The following DHCR24 variants were observed in gnomAD, a reference collection of about 807,000 sequenced individuals.
DHCR24 encodes 24-dehydrocholesterol reductase.
Under a neutral mutation model 61.2 loss-of-function variants are expected in DHCR24, and 28 were observed. That is an observed-to-expected ratio of 0.46 (90% confidence interval 0.34 to 0.63). The LOEUF is 0.63. Ranked by LOEUF, DHCR24 falls within the 20% of genes least tolerant of loss-of-function variation. The probability of loss-of-function intolerance (pLI) is 0.01; values close to 1 mark genes in which losing one functional copy is unlikely to be tolerated. For synonymous variants in DHCR24, 261 were observed against 275.9 expected, an observed-to-expected ratio of 0.95 and a Z score of 0.54; for missense variants, 538 against 679.1, an observed-to-expected ratio of 0.79 and a Z score of 2.31.
intron 5 of DHCR24, among the ~76,000 whole-genome samples, chr1:54,869,827 AG>A (rs1646987962): frequency 6.6e-6 from 1 of 152,146 alleles, no homozygotes; most frequent in Non-Finnish European, 1.5e-5. Flanking sequence ...AGGCCAAGGC[AG>A]GCAGATCACC....
At position 54,871,361 on chromosome 1, in the gene DHCR24, C is replaced by T. The variant is rs189200040; in HGVS notation, c.865G>A (p.Glu289Lys). 1.9e-6 allele frequency: 3 copies of T among 1,613,956 alleles called. No homozygotes were observed. Among genetic ancestry groups the T allele is most frequent in the Non-Finnish European group, 1.7e-6 (2 of 1,180,028 alleles). ...IMTGVMTDEA[E>K]PSKLNSIGNY... ...ACACCCTGGCTTACCTTGCTGGGCT[C>T]TGCCTCATCTGTCATGACCCCTGTC... Residue 289 changes from glutamate (E) to lysine (K), a missense_variant, in exon 5 of 9, where the codon GAG becomes AAG. Physicochemically the swap from Glu to Lys is moderately conservative, Grantham distance 56 (BLOSUM62 1). Coordinates refer to ENST00000371269, the MANE Select transcript of DHCR24 (RefSeq NM_014762.4).
chr1:54,873,287 TAAC>T (rs147168531), intron 4 of DHCR24, among the ~76,000 whole-genome samples: 1,599 of 152,336 alleles, frequency 0.01, 20 homozygotes, highest in African/African-American at 0.036. Context: ...GTGTTTATGG[TAAC>T]ACTGGTGTAA....
chr1:54,879,332 A>AGG lies in DHCR24; in HGVS notation c.388-3286_388-3285insCC, dbSNP rs1557439381. ...AGCAAGACTCCATCTGAAAAAAAAA[A>AGG]AAAAAAAAAAAAAAAAAAAATCCAA... is the stretch of plus-strand genomic sequence containing the variant. On this transcript the variant is annotated intron_variant, in intron 2 of 8. Coordinates refer to ENST00000371269, the MANE Select transcript of DHCR24 (RefSeq NM_014762.4). Among the ~76,000 whole-genome samples, 91 of 78,068 alleles carry AGG rather than the reference A, an allele frequency of 1.2e-3. 4 individuals carry two copies. Among genetic ancestry groups the AGG allele is most frequent in the African/African-American group, 4.7e-3 (80 of 16,888 alleles). The allele number at this position is 78,068 out of a possible 152,430, so 51.2% of individuals were successfully genotyped here. A position where few individuals can be genotyped will look rare whatever the true frequency, so the allele number is the denominator to read the frequency against.
rs758999320 is a variant in DHCR24, at chr1:54,887,152, C to T, written c.-33G>A. 6.5e-7 allele frequency: 1 copy of T among 1,528,832 alleles called. No individual in the cohort carries two copies. The highest frequency in any genetic ancestry group is 1.2e-5 in the South Asian group (1 of 83,702). The allele number at this position is 1,528,832 out of a possible 1,614,324, so 94.7% of individuals were successfully genotyped here. On this transcript the variant is annotated 5_prime_UTR_variant, in exon 1 of 9. Transcript: ENST00000371269. The stretch of plus-strand genomic sequence containing the variant: ...CGCCGCGCGGTAAGCGCTGCGGGTT[C>T]GCGCCTCCTGTCACTGCCGCCAGCT...
chr1:54,865,464 A>C lies in DHCR24; in HGVS notation c.877-18T>G. On this transcript the variant is annotated intron_variant, in intron 5 of 8. Coordinates refer to ENST00000371269, the MANE Select transcript of DHCR24 (RefSeq NM_014762.4). ...CTATTCAGCTGAAATGACAGAGGGC[A>C]TTGTGATCAGCCTGCAGACAAGCGC... is the stretch of plus-strand genomic sequence containing the variant. 4 of 1,613,914 alleles carry C rather than the reference A, an allele frequency of 2.5e-6. No individual in the cohort carries two copies. The highest frequency in any genetic ancestry group is 1.1e-5 in the South Asian group (1 of 91,082).
chr1:54,882,899 G>A (rs1407662285), intron 2 of DHCR24, among the ~76,000 whole-genome samples: 1 of 152,086 alleles, frequency 6.6e-6, no homozygotes, highest in Non-Finnish European at 1.5e-5. Flanking sequence ...AGCATGAGGA[G>A]ATTTTGGGGT....
chr1:54,885,259 C>T lies in DHCR24; in HGVS notation c.232-1486G>A, dbSNP rs116000003. ...TAGGATTCCACGACCAACCAGGTCT[C>T]GTCCCTGCCTGAATCTGCAGCCACG... On this transcript the variant is annotated intron_variant, in intron 1 of 8. Transcript: ENST00000371269. Among the ~76,000 whole-genome samples the T allele has an allele frequency of 2.3e-3, 356 of 152,228 alleles. 4 individuals are homozygous for T. The highest frequency in any genetic ancestry group is 8.0e-3 in the African/African-American group (334 of 41,556).
At chr1:54,874,719 C>A (rs1647017220) in intron 4 of DHCR24, among the ~76,000 whole-genome samples, 1 of 152,110 alleles carries the variant, frequency 6.6e-6, no homozygotes, top group Admixed American at 6.6e-5. Flanking sequence ...GGCTAAGGGA[C>A]CTGGGAGCCT....
chr1:54,879,162 C>CA (rs1647050912), intron 2 of DHCR24, among the ~76,000 whole-genome samples: 1 of 151,508 alleles, frequency 6.6e-6, no homozygotes, highest in African/African-American at 2.4e-5. Context: ...ACTAAAAATA[C>CA]AAAAAAATTA....
intron 1 of DHCR24, among the ~76,000 whole-genome samples, chr1:54,884,826 G>A (rs1298698215): frequency 6.6e-6 from 1 of 152,130 alleles, no homozygotes; most frequent in Non-Finnish European, 1.5e-5. Flanking sequence ...TACTGGGGTC[G>A]CTAAGCCGGT....
At position 54,878,933 on chromosome 1, in the gene DHCR24, T is replaced by C. The variant is rs76760215; in HGVS notation, c.388-2886A>G. Reference sequence around the variant, plus strand: ...CAATCAAACAGACCCAGAACTGACATAGATATTAGAATTAGTGAACAGGGA... The same window carrying C: ...CAATCAAACAGACCCAGAACTGACACAGATATTAGAATTAGTGAACAGGGA... On this transcript the variant is annotated intron_variant, in intron 2 of 8. Coordinates refer to ENST00000371269, the MANE Select transcript of DHCR24 (RefSeq NM_014762.4). 6.8e-4 allele frequency among the ~76,000 whole-genome samples: 104 copies of C among 152,274 alleles called. No individual in the cohort carries two copies. The East Asian group carries it at 0.016, about 23-fold the overall frequency.
At chr1:54,878,514 C>CAAAAAAAAAAAAAAAAAAAAAAAAAAAAA (rs56198608) in intron 2 of DHCR24, among the ~76,000 whole-genome samples, 1 of 54,326 alleles carries the variant, frequency 1.8e-5, no homozygotes, top group African/African-American at 7.1e-5. Context: ...AACTCTGTCT[C>CAAAAAAAAAAAAAAAAAAAAAAAAAAAAA]AAAAAAAAAA....
At chr1:54,879,352 A>AAAAAAAAAAGG (rs573285056) in intron 2 of DHCR24, among the ~76,000 whole-genome samples, 1 of 128,162 alleles carries the variant, frequency 7.8e-6, no homozygotes, top group Admixed American at 8.4e-5. Context: ...AAAAAAAAAA[A>AAAAAAAAAAGG]TCCAAATCAA....
At chr1:54,860,319 C>T (rs1410598645) in intron 6 of DHCR24, among the ~76,000 whole-genome samples, 2 of 152,298 alleles carry the variant, frequency 1.3e-5, no homozygotes, top group East Asian at 3.9e-4. Flanking sequence ...CCTCTCAAGC[C>T]CTGCTCTCAT....
intron 5 of DHCR24, among the ~76,000 whole-genome samples, chr1:54,870,053 CA>C (rs372873383): frequency 0.036 from 4,541 of 127,194 alleles, 147 homozygotes; most frequent in African/African-American, 0.097. Flanking sequence ...GACTCCATCT[CA>C]AAAAAAAAAA....
At chr1:54,870,569 C>T (rs1454075746) in intron 5 of DHCR24, among the ~76,000 whole-genome samples, 1 of 152,188 alleles carries the variant, frequency 6.6e-6, no homozygotes, top group Non-Finnish European at 1.5e-5. Flanking sequence ...AGATTTCTCA[C>T]AATACTTAAT....
At chr1:54,860,743 T>C (rs1646932339) in intron 6 of DHCR24, among the ~76,000 whole-genome samples, 1 of 152,094 alleles carries the variant, frequency 6.6e-6, no homozygotes, top group South Asian at 2.1e-4. Flanking sequence ...CCCAGCACTT[T>C]GGGAGGCCGG....
rs1202583277 is a variant in DHCR24, at chr1:54,850,592, G to C, written c.*1641C>G. ...AGGATTCTGGCACCTGGAATGACAA[G>C]ACAGATGCTTCCCTGCAAGCCAGGT... is the stretch of plus-strand genomic sequence containing the variant. On this transcript the variant is annotated 3_prime_UTR_variant, in exon 9 of 9. Transcript: ENST00000371269. 1 of 152,250 alleles carries C rather than the reference G, an allele frequency of 6.6e-6. No homozygotes were observed. Among genetic ancestry groups the C allele is most frequent in the Non-Finnish European group, 1.5e-5 (1 of 68,072 alleles). 9.4% of individuals were successfully genotyped at this position (152,250 alleles called of 1,614,324 possible). A position where few individuals can be genotyped will look rare whatever the true frequency, so the allele number is the denominator to read the frequency against.
At chr1:54,870,036 G>A (rs673541) in intron 5 of DHCR24, among the ~76,000 whole-genome samples, 92,859 of 150,416 alleles carry the variant, frequency 0.62, 29,424 homozygotes, top group South Asian at 0.79. Context: ...CCTGAGCGAC[G>A]GAGTGAGACT....
Sources: gnomAD v4.1 joint callset for allele counts (sites outside exome capture counted in the v4.1 genomes callset) on GRCh38, gnomAD v4.1.1 for gene constraint, MANE v1.5 for transcripts, NCBI Gene and HGNC (gene_info 2026-07-23, HGNC 2026-07-21) for gene names.